Variants in TTC6 observed in about 807,000 individuals in gnomAD.
TTC6 encodes the protein tetratricopeptide repeat protein 6.
In TTC6, 172 loss-of-function variants were observed where a neutral mutation model predicts 210.4. The ratio of observed to expected loss-of-function variants is 0.82; its 90% confidence interval spans 0.72 to 0.93. The LOEUF (loss-of-function observed/expected upper bound fraction) is 0.93. Among genes scored for constraint, TTC6 ranks in the 40% least tolerant of loss-of-function variants. TTC6 has a pLI of 0.00. For synonymous variants in TTC6, 804 were observed against 819.6 expected, an observed-to-expected ratio of 0.98 and a Z score of 0.32; for missense variants, 2,414 against 2,318.1, an observed-to-expected ratio of 1.04 and a Z score of -0.85.
chr14:37,729,317 A>G (rs2095880082), intron 7 of TTC6, among the ~76,000 whole-genome samples: 1 of 152,202 alleles, frequency 6.6e-6, no homozygotes, highest in Non-Finnish European at 1.5e-5. Flanking sequence ...CATGCAGAAG[A>G]TTGGTGAATA....
chr14:37,821,026 T>C (rs1016662200), intron 26 of TTC6, among the ~76,000 whole-genome samples: 9 of 2,812 alleles, frequency 3.2e-3, no homozygotes, highest in Non-Finnish European at 3.6e-3. Flanking sequence ...CTTCTTCCTC[T>C]TCTTCTTCTT....
At chr14:37,682,806 G>A (rs1169313866) in exon 3 of TTC6, 3 of 1,535,498 alleles carry the variant, frequency 2.0e-6, no homozygotes, top group African/African-American at 1.4e-5. Flanking sequence ...TCTCCAGATT[G>A]AACAAGAGGA....
rs545342195 is a variant in TTC6, at chr14:37,750,806, C to T, written c.2957-247C>T. The stretch of plus-strand genomic sequence containing the variant: ...TTAGGAGGCTGATGTGGGAGGATTG[C>T]TTGAGCCCTGGAGGTCGAGGCTGCA... On this transcript the variant is annotated intron_variant, in intron 12 of 30. Transcript: ENST00000553443. Among the ~76,000 whole-genome samples, 51 of 152,174 alleles carry T rather than the reference C, an allele frequency of 3.4e-4. 1 individual carries two copies. The highest frequency in any genetic ancestry group is 2.3e-3 in the South Asian group (11 of 4,820).
intron 1 of TTC6, among the ~76,000 whole-genome samples, chr14:37,650,600 C>T (rs1349823064): frequency 2.0e-5 from 3 of 152,172 alleles, no homozygotes; most frequent in Non-Finnish European, 4.4e-5. Flanking sequence ...GCTAACATCT[C>T]TTTTGCCTCT....
chr14:37,817,576 AG>A lies in TTC6; in HGVS notation c.4690del, dbSNP rs2096145060. ...TAACAAAAGCTTATAACATTATTTC[AG>A]GATTTTAAACAAGCTGCACTGATAA... is the stretch of plus-strand genomic sequence containing the variant. On this transcript the variant is annotated splice_acceptor_variant, in intron 25 of 30. Transcript: ENST00000553443. LOFTEE classifies it high-confidence loss of function. 8.7e-6 allele frequency: 14 copies of A among 1,613,280 alleles called. No individual in the cohort carries two copies. Among genetic ancestry groups the A allele is most frequent in the African/African-American group, 1.3e-5 (1 of 75,038 alleles).
chr14:37,622,903 T>A, exon 1 of TTC6: 1 of 1,535,088 alleles, frequency 6.5e-7, no homozygotes, highest in South Asian at 1.2e-5. Flanking sequence ...ATCGAAGAGA[T>A]CATCGCCTCT....
At chr14:37,682,828 G>A in exon 3 of TTC6, 1 of 1,535,670 alleles carries the variant, frequency 6.5e-7, no homozygotes, top group Non-Finnish European at 8.7e-7. Flanking sequence ...ATAGAATGGG[G>A]ACCCTCAGAA....
chr14:37,790,357 A>T (rs945936547), intron 15 of TTC6, among the ~76,000 whole-genome samples: 6 of 152,060 alleles, frequency 3.9e-5, no homozygotes, highest in Non-Finnish European at 8.8e-5. Context: ...CTGGAGTTGG[A>T]TTCTAGGCCA....
At chr14:37,745,427 T>G (rs1254877537) in intron 10 of TTC6, among the ~76,000 whole-genome samples, 3 of 152,170 alleles carry the variant, frequency 2.0e-5, no homozygotes, top group Non-Finnish European at 4.4e-5. Flanking sequence ...CTGGTATTGC[T>G]TTTTGTTTGC....
chr14:37,803,926 A>G (rs1474799746), intron 20 of TTC6, among the ~76,000 whole-genome samples: 4 of 152,196 alleles, frequency 2.6e-5, no homozygotes, highest in Non-Finnish European at 5.9e-5. Flanking sequence ...TTTCTTTAGC[A>G]ATTTAAGACA....
At chr14:37,794,752 C>A (rs537883125) in intron 17 of TTC6, among the ~76,000 whole-genome samples, 3 of 151,736 alleles carry the variant, frequency 2.0e-5, no homozygotes, top group African/African-American at 7.3e-5. Context: ...AGTCTTTATT[C>A]CTATTATTGT....
At chr14:37,757,270 C>A (rs903925057) in intron 14 of TTC6, among the ~76,000 whole-genome samples, 10 of 150,808 alleles carry the variant, frequency 6.6e-5, no homozygotes, top group Non-Finnish European at 1.5e-4. Context: ...TAATTAATTA[C>A]TTTTTCTTGA....
chr14:37,682,328 C>T (rs1034465650), intron 2 of TTC6, among the ~76,000 whole-genome samples: 2 of 151,782 alleles, frequency 1.3e-5, no homozygotes, highest in African/African-American at 4.8e-5. Flanking sequence ...TAACACCATC[C>T]AGTAGCTTTA....
At chr14:37,824,779 G>A (rs992279384) in intron 27 of TTC6, among the ~76,000 whole-genome samples, 2 of 152,092 alleles carry the variant, frequency 1.3e-5, no homozygotes, top group Admixed American at 1.3e-4. Context: ...TGAAAGCAGG[G>A]GCCGTGGCTA....
At chr14:37,803,836 G>A (rs2096112433) in intron 20 of TTC6, among the ~76,000 whole-genome samples, 1 of 152,162 alleles carries the variant, frequency 6.6e-6, no homozygotes, top group African/African-American at 2.4e-5. Context: ...GAGGACAGAA[G>A]GAGGGATGTT....
intron 1 of TTC6, among the ~76,000 whole-genome samples, chr14:37,677,889 T>C (rs1228402223): frequency 6.6e-6 from 1 of 152,154 alleles, no homozygotes; most frequent in Non-Finnish European, 1.5e-5. Context: ...TCATTCTGTT[T>C]CTTACATTTG....
intron 1 of TTC6, among the ~76,000 whole-genome samples, chr14:37,669,258 C>T (rs1595083392): frequency 1.3e-5 from 2 of 152,330 alleles, no homozygotes; most frequent in South Asian, 4.1e-4. Flanking sequence ...GGGCTCATCA[C>T]TACCCCTTGG....
chr14:37,790,881 A>T, intron 16 of TTC6, 44 bp downstream of exon 18: 11 of 1,487,504 alleles, frequency 7.4e-6, no homozygotes, highest in Non-Finnish European at 9.8e-6. Context: ...TTTTGTAAAA[A>T]ATCGAAAACC....
At chr14:37,836,863 T>G (rs1279218389) in intron 29 of TTC6, among the ~76,000 whole-genome samples, 1 of 152,188 alleles carries the variant, frequency 6.6e-6, no homozygotes, top group Non-Finnish European at 1.5e-5. Flanking sequence ...AAAAAATGTA[T>G]GTAATCTGGC....
Sources: allele counts gnomAD v4.1 joint callset (sites outside exome capture counted in the v4.1 genomes callset), GRCh38; gene constraint gnomAD v4.1.1; transcripts MANE v1.5; gene names NCBI Gene and HGNC (gene_info 2026-07-23, HGNC 2026-07-21).